NAV2: variants seen among roughly 807,000 people sequenced by gnomAD.
The protein encoded by NAV2 is neuron navigator 2, also known as helicase, APC down-regulated 1.
A neutral mutation model predicts 223.2 loss-of-function variants in NAV2; 54 were observed. That is an observed-to-expected ratio of 0.24 (90% CI 0.19 to 0.30). The LOEUF (loss-of-function observed/expected upper bound fraction) is 0.30, where lower values mean the gene tolerates loss of function less well. Among genes scored for constraint, NAV2 ranks in the 10% least tolerant of loss-of-function variants. NAV2 has a pLI of 1.00. For synonymous variants in NAV2, 1,279 were observed against 1,239.3 expected (o/e 1.03, Z -0.67); for missense variants, 2,806 against 3,147.5 (o/e 0.89, Z 2.60).
intron 17 of NAV2, 116 bp downstream of exon 17, chr11:20,051,449 C>A: frequency 3.4e-6 from 3 of 887,398 alleles, no homozygotes; most frequent in Non-Finnish European, 5.8e-6. Context: ...GCTTTGACCA[C>A]CACAGCAGGA....
At chr11:19,630,209 T>G (rs915245231) in intron 1 of NAV2, among the ~76,000 whole-genome samples, 1 of 152,208 alleles carries the variant, frequency 6.6e-6, no homozygotes, top group Non-Finnish European at 1.5e-5. Flanking sequence ...TAGAACTCAT[T>G]AAAATCTGTG....
chr11:19,578,757 T>C (rs1311242538), intron 1 of NAV2, among the ~76,000 whole-genome samples: 1 of 152,254 alleles, frequency 6.6e-6, no homozygotes, highest in Non-Finnish European at 1.5e-5. Context: ...ACATTATCTA[T>C]GGTTGTTTTT....
At chr11:19,973,421 C>T (rs535207074) in intron 10 of NAV2, among the ~76,000 whole-genome samples, 150 of 152,164 alleles carry the variant, frequency 9.9e-4, no homozygotes, top group Non-Finnish European at 1.9e-3. Flanking sequence ...CTTACCAGCC[C>T]ACAGATGATG....
chr11:20,021,321 T>C (rs971834254), intron 11 of NAV2, among the ~76,000 whole-genome samples: 6 of 152,194 alleles, frequency 3.9e-5, no homozygotes, highest in Admixed American at 1.3e-4. Context: ...AATATGGTAG[T>C]TGATGAATGA....
At chr11:19,656,621 C>A (rs1459607791) in intron 1 of NAV2, among the ~76,000 whole-genome samples, 3 of 152,110 alleles carry the variant, frequency 2.0e-5, no homozygotes, top group African/African-American at 7.2e-5. Context: ...AATAAATGGG[C>A]AAAGAGTGGA....
intron 1 of NAV2, among the ~76,000 whole-genome samples, chr11:19,782,022 A>G (rs887308504): frequency 2.0e-5 from 3 of 152,206 alleles, no homozygotes; most frequent in Non-Finnish European, 4.4e-5. Flanking sequence ...CTAGAAAACA[A>G]CGGTCATTTC....
At chr11:19,647,632 C>T (rs744856) in intron 1 of NAV2, among the ~76,000 whole-genome samples, 2,357 of 152,220 alleles carry the variant, frequency 0.015, 66 homozygotes, top group African/African-American at 0.052. Flanking sequence ...GCTCTTGAAC[C>T]TGGACTTGGA....
At chr11:20,084,247 G>T (rs2060275858) in intron 26 of NAV2, among the ~76,000 whole-genome samples, 1 of 152,182 alleles carries the variant, frequency 6.6e-6, no homozygotes, top group Non-Finnish European at 1.5e-5. Flanking sequence ...ACAGGCGCAT[G>T]CCACCATGCC....
intron 10 of NAV2, among the ~76,000 whole-genome samples, chr11:19,958,448 C>T (rs1317659849): frequency 6.6e-6 from 1 of 152,134 alleles, no homozygotes; most frequent in East Asian, 1.9e-4. Context: ...GAAGTGATGG[C>T]TTGTGTTGGG....
intron 2 of NAV2, among the ~76,000 whole-genome samples, chr11:19,834,350 C>A (rs560388751): frequency 6.6e-6 from 1 of 152,280 alleles, no homozygotes; most frequent in South Asian, 2.1e-4. Flanking sequence ...GGAATTCTAA[C>A]CCAGGCAGTC....
chr11:20,068,498 C>T (rs576846357), intron 22 of NAV2, 100 bp downstream of exon 22: 1 of 872,356 alleles, frequency 1.1e-6, no homozygotes, highest in South Asian at 1.4e-5. Flanking sequence ...AGAAGTAGCA[C>T]ATTATAAAGA....
At chr11:19,625,589 A>G (rs1189002705) in intron 1 of NAV2, among the ~76,000 whole-genome samples, 3 of 152,242 alleles carry the variant, frequency 2.0e-5, no homozygotes, top group African/African-American at 7.2e-5. Flanking sequence ...TTGCTGAATC[A>G]TATGGTTGTT....
chr11:19,720,106 T>G (rs935451645), intron 1 of NAV2, among the ~76,000 whole-genome samples: 1 of 152,234 alleles, frequency 6.6e-6, no homozygotes, highest in Non-Finnish European at 1.5e-5. Context: ...TTGTGATCAG[T>G]TGGCCATTAA....
intron 36 of NAV2, chr11:20,114,341 C>G (rs1475956260): frequency 3.6e-6 from 2 of 556,266 alleles, no homozygotes; most frequent in Non-Finnish European, 6.4e-6. Flanking sequence ...AGTGGCAGAG[C>G]TGAGACATGA....
intron 11 of NAV2, among the ~76,000 whole-genome samples, chr11:19,994,766 AT>A (rs1276946283): frequency 3.3e-5 from 5 of 152,150 alleles, no homozygotes; most frequent in African/African-American, 4.8e-5. Flanking sequence ...TCTATCCAAG[AT>A]TACTTTGTAT....
At chr11:19,739,531 A>G (rs2052613675) in intron 1 of NAV2, among the ~76,000 whole-genome samples, 1 of 152,138 alleles carries the variant, frequency 6.6e-6, no homozygotes, top group Admixed American at 6.5e-5. Flanking sequence ...TTTTAAGCTG[A>G]GGGGTGTAGC....
chr11:20,027,382 G>A (rs7101488), intron 11 of NAV2: 83,756 of 984,210 alleles, frequency 0.085, 3,710 homozygotes, highest in East Asian at 0.21. Flanking sequence ...TTTTGCAACT[G>A]AATGCAGCTG....
At chr11:20,065,621 G>A (rs2058995134) in intron 20 of NAV2, among the ~76,000 whole-genome samples, 1 of 152,176 alleles carries the variant, frequency 6.6e-6, no homozygotes, top group Non-Finnish European at 1.5e-5. Context: ...GCGGCAAGGG[G>A]GGCAAGATAC....
chr11:20,041,968 A>G (rs1439644721), intron 12 of NAV2, among the ~76,000 whole-genome samples: 1 of 152,162 alleles, frequency 6.6e-6, no homozygotes, highest in East Asian at 1.9e-4. Flanking sequence ...TTCGTAGTCT[A>G]CAATTACACC....
Sources: gnomAD v4.1 joint callset for allele counts (sites outside exome capture counted in the v4.1 genomes callset) on GRCh38, gnomAD v4.1.1 for gene constraint, MANE v1.5 for transcripts, NCBI Gene and HGNC (gene_info 2026-07-23, HGNC 2026-07-21) for gene names.